CTIF: variants seen among roughly 807,000 people sequenced by gnomAD.
The protein encoded by CTIF is CBP80/20-dependent translation initiation factor.
A neutral mutation model predicts 66.0 loss-of-function variants in CTIF; 21 were observed. That is an observed-to-expected ratio of 0.32 (90% CI 0.23 to 0.46). The LOEUF (loss-of-function observed/expected upper bound fraction) is 0.46, where lower values mean the gene tolerates loss of function less well. CTIF is among the 20% of genes least tolerant of loss of function. The pLI is 1.00. For missense variants in CTIF, 739 were observed against 812.7 expected (o/e 0.91, Z 1.10); for synonymous variants, 345 against 326.4 (o/e 1.06, Z -0.62).
At chr18:48,692,595 A>C (rs1317584207) in intron 6 of CTIF, 1 of 152,262 alleles carries the variant, frequency 6.6e-6, no homozygotes, top group African/African-American at 2.4e-5. Flanking sequence ...TAGCATGCAG[A>C]TCTGGTGAAC....
rs183648056 is a variant in CTIF at position 48,612,610 on chromosome 18, C to T, written c.-28-6928C>T. Among the ~76,000 whole-genome samples, 27 of 152,330 alleles carry T rather than the reference C, an allele frequency of 1.8e-4. No individual in the cohort carries two copies. The East Asian group carries it at 2.5e-3, about 14-fold the overall frequency. ...CGGCCACAGGAAGGTGGGGTGAAGA[C>T]GCCAGTGGCTGTGATGAGTGGATTT... On this transcript the variant is annotated intron_variant, in intron 1 of 11. Coordinates refer to ENST00000256413, the MANE Select transcript of CTIF (RefSeq NM_014772.3).
intron 1 of CTIF, among the ~76,000 whole-genome samples, chr18:48,564,270 C>G (rs1185913102): frequency 6.6e-6 from 1 of 152,184 alleles, no homozygotes; most frequent in Non-Finnish European, 1.5e-5. Flanking sequence ...TGCCTGCCAC[C>G]TGGGTGCAAG....
chr18:48,785,216 T>TC (rs1288886782), intron 9 of CTIF, among the ~76,000 whole-genome samples: 1 of 152,310 alleles, frequency 6.6e-6, no homozygotes, highest in Admixed American at 6.5e-5. Flanking sequence ...GAAGAAAAGC[T>TC]CACAGAAAGG....
At position 48,793,633 on chromosome 18, in the gene CTIF, T is replaced by C. The variant is rs373855794; in HGVS notation, c.1372-23588T>C. On this transcript the variant is annotated intron_variant, in intron 9 of 11. Coordinates refer to ENST00000256413, the MANE Select transcript of CTIF (RefSeq NM_014772.3). The stretch of plus-strand genomic sequence containing the variant: ...CACAGGCTCCAGGGGGCTTCTTGTG[T>C]GCCCCCTTCTCCTCCTCTCTTTTCT... Among the ~76,000 whole-genome samples, 12 of 152,346 alleles carry C rather than the reference T, an allele frequency of 7.9e-5. No individual in the cohort carries two copies. The East Asian group carries it at 1.3e-3, about 17-fold the overall frequency.
intron 10 of CTIF, among the ~76,000 whole-genome samples, chr18:48,838,024 G>A (rs1325644819): frequency 5.9e-5 from 9 of 152,042 alleles, no homozygotes; most frequent in Admixed American, 2.0e-4. Context: ...AACAAAGTCC[G>A]TCTTCCCTGG....
intron 6 of CTIF, among the ~76,000 whole-genome samples, chr18:48,699,050 G>T (rs1240024717): frequency 2.0e-5 from 3 of 152,144 alleles, no homozygotes; most frequent in Non-Finnish European, 4.4e-5. Flanking sequence ...TGCCCCTGCT[G>T]GTTCTCGGTC....
chr18:48,858,821 A>G (rs1334286967), intron 11 of CTIF, among the ~76,000 whole-genome samples: 5 of 152,126 alleles, frequency 3.3e-5, no homozygotes, highest in Non-Finnish European at 7.4e-5. Context: ...GGGGGCTGGG[A>G]GATGGGATCA....
rs75340038 is a variant in CTIF at position 48,732,204 on chromosome 18, G to A, written c.584+20509G>A. On this transcript the variant is annotated intron_variant, in intron 7 of 11. Transcript: ENST00000256413. ...GCAGGACTCCCATTCCCTGGGGTAC[G>A]TTTTGATGTGGAACTGCAGAAGGCC... is the stretch of plus-strand genomic sequence containing the variant. Among the ~76,000 whole-genome samples, 764 of 152,320 alleles carry A rather than the reference G, an allele frequency of 5.0e-3. 7 individuals carry two copies. The highest frequency in any genetic ancestry group is 0.015 in the African/African-American group (641 of 41,580).
intron 7 of CTIF, among the ~76,000 whole-genome samples, chr18:48,716,114 C>T (rs942095164): frequency 6.9e-6 from 1 of 145,006 alleles, no homozygotes; most frequent in Non-Finnish European, 1.6e-5. Flanking sequence ...ATGTGTATCA[C>T]AGCAGACACT....
At chr18:48,745,571 GT>G (rs2092589188) in intron 7 of CTIF, among the ~76,000 whole-genome samples, 1 of 152,134 alleles carries the variant, frequency 6.6e-6, no homozygotes, top group Non-Finnish European at 1.5e-5. Flanking sequence ...AAATGTACTA[GT>G]TGTCTTTTAT....
chr18:48,800,736 C>CGGTA (rs2068032869), intron 9 of CTIF, among the ~76,000 whole-genome samples: 1 of 152,192 alleles, frequency 6.6e-6, no homozygotes, highest in Non-Finnish European at 1.5e-5. Context: ...GAACGTGAGA[C>CGGTA]GGTAGAAGAC....
intron 6 of CTIF, among the ~76,000 whole-genome samples, chr18:48,681,772 TTTTGTTTG>T (rs543174265): frequency 1.5e-4 from 22 of 149,496 alleles, no homozygotes; most frequent in South Asian, 2.1e-4. Flanking sequence ...CACACCTGGT[TTTTGTTTG>T]TTTGTTTGTT....
At chr18:48,809,571 T>C (rs112548767) in intron 9 of CTIF, among the ~76,000 whole-genome samples, 1,808 of 152,228 alleles carry the variant, frequency 0.012, 35 homozygotes, top group African/African-American at 0.041. Flanking sequence ...TATAGGGAAC[T>C]GGTTGGAAAG....
intron 9 of CTIF, among the ~76,000 whole-genome samples, chr18:48,813,495 T>C (rs553908519): frequency 6.6e-6 from 1 of 152,384 alleles, no homozygotes; most frequent in Admixed American, 6.5e-5. Context: ...ATCACCCCTG[T>C]CTGGTCTTTT....
In CTIF at chr18:48,819,969, C is replaced by T. The variant is rs543658640; in HGVS notation, c.1527+2593C>T. Among the ~76,000 whole-genome samples the T allele has an allele frequency of 5.3e-4, 80 of 151,862 alleles. 1 individual carries two copies. Among genetic ancestry groups the T allele is most frequent in the African/African-American group, 1.8e-3 (73 of 41,498 alleles). ...CTAAGTGCACTAGGGACAACGAGGC[C>T]GGAGGATGGAAGGAAGTGCCCGGGG... On this transcript the variant is annotated intron_variant, in intron 10 of 11. Coordinates refer to ENST00000256413, the MANE Select transcript of CTIF (RefSeq NM_014772.3).
chr18:48,712,834 A>T (rs1227419691), intron 7 of CTIF, among the ~76,000 whole-genome samples: 5 of 152,212 alleles, frequency 3.3e-5, no homozygotes, highest in Non-Finnish European at 7.3e-5. Flanking sequence ...CTCAGGGTGG[A>T]TGTAGGCCTG....
chr18:48,852,262 A>T (rs960797508), intron 10 of CTIF, among the ~76,000 whole-genome samples: 2 of 140,418 alleles, frequency 1.4e-5, no homozygotes, highest in East Asian at 2.0e-4. Flanking sequence ...AAAAAAAAAA[A>T]GTTCCAGCAA....
chr18:48,641,658 G>A (rs759719119), intron 3 of CTIF, among the ~76,000 whole-genome samples: 7 of 152,238 alleles, frequency 4.6e-5, no homozygotes, highest in Non-Finnish European at 7.3e-5. Context: ...TGACCCAGGA[G>A]TGACACTGGC....
intron 10 of CTIF, among the ~76,000 whole-genome samples, chr18:48,852,462 C>G (rs1019418134): frequency 6.6e-6 from 1 of 152,090 alleles, no homozygotes; most frequent in African/African-American, 2.4e-5. Context: ...TCACACCCCC[C>G]ACCTCCAACT....
Sources: gnomAD v4.1 joint callset for allele counts (sites outside exome capture counted in the v4.1 genomes callset) on GRCh38, gnomAD v4.1.1 for gene constraint, MANE v1.5 for transcripts, NCBI Gene and HGNC (gene_info 2026-07-23, HGNC 2026-07-21) for gene names.